The following CSMD2 variants were observed in gnomAD, a reference collection of about 807,000 sequenced individuals.
CSMD2 encodes CUB and Sushi multiple domains 2.
In CSMD2, 130 loss-of-function variants were observed where a neutral mutation model predicts 398.5. The observed-to-expected ratio is 0.33, with a 90% CI of 0.28 to 0.38. CSMD2 has a LOEUF of 0.38. CSMD2 is among the 10% of genes least tolerant of loss of function. The pLI is 1.00. For synonymous variants in CSMD2, 1,828 were observed against 1,908.5 expected (o/e 0.96, Z 1.10); for missense variants, 3,829 against 4,764.9 (o/e 0.80, Z 5.78).
intron 22 of CSMD2, among the ~76,000 whole-genome samples, chr1:33,706,787 C>CGTGTGT (rs933907714): frequency 1.3e-5 from 2 of 150,272 alleles, no homozygotes; most frequent in African/African-American, 2.5e-5. Context: ...TGTGCATGTA[C>CGTGTGT]GTGTGTGTGT....
intron 29 of CSMD2, among the ~76,000 whole-genome samples, chr1:33,643,066 C>T (rs1414610615): frequency 2.0e-5 from 3 of 152,172 alleles, no homozygotes; most frequent in Non-Finnish European, 4.4e-5. Flanking sequence ...GATACCCAGA[C>T]TCTCAGTTTT....
At chr1:33,826,426 TCTGCCATCA>T (rs1658829505) in intron 6 of CSMD2, among the ~76,000 whole-genome samples, 1 of 152,218 alleles carries the variant, frequency 6.6e-6, no homozygotes, top group Admixed American at 6.5e-5. Context: ...CTCTTGCATC[TCTGCCATCA>T]TTGTGAGACA....
At chr1:33,926,743 C>T (rs1644139386) in intron 4 of CSMD2, among the ~76,000 whole-genome samples, 1 of 152,196 alleles carries the variant, frequency 6.6e-6, no homozygotes, top group Admixed American at 6.5e-5. Flanking sequence ...TGCATATTCT[C>T]AGGTGCAGGT....
At chr1:33,901,272 C>A (rs1642740011) in intron 5 of CSMD2, among the ~76,000 whole-genome samples, 1 of 152,200 alleles carries the variant, frequency 6.6e-6, no homozygotes, top group African/African-American at 2.4e-5. Flanking sequence ...GAGCCAAGTG[C>A]CATATGCTTT....
At chr1:33,725,262 G>A (rs1035093207) in intron 17 of CSMD2, 87 bp downstream of exon 17, 4 of 1,138,540 alleles carry the variant, frequency 3.5e-6, no homozygotes, top group Non-Finnish European at 5.2e-6. Flanking sequence ...GGGCCAAGCA[G>A]GGGCCTGTGG....
At chr1:34,109,669 TAAAC>T (rs1571150492) in intron 1 of CSMD2, among the ~76,000 whole-genome samples, 2 of 151,344 alleles carry the variant, frequency 1.3e-5, no homozygotes, top group Admixed American at 6.6e-5. Context: ...GTAAGGAACT[TAAAC>T]AAATTTACAA....
At chr1:34,157,926 C>A (rs1571298556) in intron 1 of CSMD2, among the ~76,000 whole-genome samples, 1 of 152,122 alleles carries the variant, frequency 6.6e-6, no homozygotes, top group African/African-American at 2.4e-5. Flanking sequence ...GACTATCTTT[C>A]ATGTGACATT....
At chr1:33,705,620 A>G (rs1434998712) in intron 22 of CSMD2, among the ~76,000 whole-genome samples, 1 of 151,936 alleles carries the variant, frequency 6.6e-6, no homozygotes, top group East Asian at 1.9e-4. Context: ...GGGGAATCAT[A>G]ATTTTTTAAT....
chr1:33,783,505 T>C (rs1321015650), intron 12 of CSMD2, among the ~76,000 whole-genome samples: 2 of 147,218 alleles, frequency 1.4e-5, no homozygotes, highest in Admixed American at 6.8e-5. Context: ...GGAAAGCCCA[T>C]GCAAGGCCAT....
chr1:33,621,505 A>T (rs566420312), intron 37 of CSMD2, among the ~76,000 whole-genome samples: 1 of 152,162 alleles, frequency 6.6e-6, no homozygotes, highest in Non-Finnish European at 1.5e-5. Flanking sequence ...AGTGCCTGGC[A>T]TGTTGTAAAT....
chr1:33,704,564 A>G (rs1645713320), intron 22 of CSMD2, among the ~76,000 whole-genome samples: 1 of 152,192 alleles, frequency 6.6e-6, no homozygotes. Flanking sequence ...TTTGGGGTGT[A>G]TTAGCAGGAT....
In CSMD2 at chr1:33,570,574, C is replaced by G. The variant is rs142892425; in HGVS notation, c.7957+958G>C. On this transcript the variant is annotated intron_variant, in intron 51 of 70. Transcript: ENST00000373381. ...TCACTTGCCTCCTCTGTGACATCTGCATTGGTCACATAAATATGATGAGCA... is the reference window on the plus strand; with the variant it reads ...TCACTTGCCTCCTCTGTGACATCTGGATTGGTCACATAAATATGATGAGCA... 3.5e-3 allele frequency among the ~76,000 whole-genome samples: 537 copies of G among 152,284 alleles called. 3 individuals are homozygous for G. The highest frequency in any genetic ancestry group is 0.012 in the African/African-American group (511 of 41,560).
intron 15 of CSMD2, among the ~76,000 whole-genome samples, chr1:33,738,303 G>C (rs530098925): frequency 2.0e-5 from 3 of 152,072 alleles, no homozygotes; most frequent in African/African-American, 7.2e-5. Context: ...TTCCCCAAGG[G>C]GCCCTTGGGA....
intron 3 of CSMD2, among the ~76,000 whole-genome samples, chr1:33,964,404 C>T (rs747123481): frequency 3.9e-5 from 6 of 152,212 alleles, no homozygotes; most frequent in Admixed American, 6.5e-5. Flanking sequence ...TGAATCTCTG[C>T]ACTCCTAGTC....
At chr1:33,616,840 A>T in intron 39 of CSMD2, 66 bp downstream of exon 39, 1 of 1,238,762 alleles carries the variant, frequency 8.1e-7, no homozygotes, top group Non-Finnish European at 1.2e-6. Context: ...TCAATGATAC[A>T]CTACTGAGCT....
chr1:33,522,048 G>C (rs566365445), intron 67 of CSMD2, among the ~76,000 whole-genome samples: 2 of 152,188 alleles, frequency 1.3e-5, no homozygotes, highest in Non-Finnish European at 2.9e-5. Context: ...ACAGTTCTAA[G>C]AGCTATTAAT....
intron 2 of CSMD2, among the ~76,000 whole-genome samples, chr1:34,051,952 CA>C (rs1653219371): frequency 6.6e-6 from 1 of 151,968 alleles, no homozygotes; most frequent in African/African-American, 2.4e-5. Flanking sequence ...GGGGGTTATC[CA>C]ATCCATTAAG....
At chr1:34,150,650 C>T (rs61769836) in intron 1 of CSMD2, among the ~76,000 whole-genome samples, 44,043 of 151,962 alleles carry the variant, frequency 0.29, 6,368 homozygotes, top group Non-Finnish European at 0.3. Context: ...CTGCAGCTCA[C>T]GCTTGTAATC....
chr1:33,654,699 C>T (rs1643896619), intron 27 of CSMD2, among the ~76,000 whole-genome samples: 1 of 152,246 alleles, frequency 6.6e-6, no homozygotes, highest in South Asian at 2.1e-4. Flanking sequence ...GAAACAGAGT[C>T]TGATGTGGCC....
Sources: allele counts gnomAD v4.1 joint callset (sites outside exome capture counted in the v4.1 genomes callset), GRCh38; gene constraint gnomAD v4.1.1; transcripts MANE v1.5; gene names NCBI Gene and HGNC (gene_info 2026-07-23, HGNC 2026-07-21).